NRXN1: variants seen among roughly 807,000 people sequenced by gnomAD.
NRXN1 encodes neurexin-1.
NRXN1 carries 39 observed loss-of-function variants against 150.9 expected under a neutral mutation model. That is an observed-to-expected ratio of 0.26 (90% CI 0.20 to 0.34). The LOEUF is 0.34. Among genes scored for constraint, NRXN1 ranks in the 10% least tolerant of loss-of-function variants. The pLI is 1.00. For synonymous variants in NRXN1, 924 were observed against 757.0 expected (o/e 1.22, Z -3.62); for missense variants, 1,815 against 1,949.9 (o/e 0.93, Z 1.30).
chr2:50,423,010 C>A (rs1163132393), intron 17 of NRXN1, among the ~76,000 whole-genome samples: 1 of 152,168 alleles, frequency 6.6e-6, no homozygotes, highest in Non-Finnish European at 1.5e-5. Context: ...AACCCAAAGC[C>A]TTGAATTCAA....
At chr2:50,101,354 T>G (rs372617787) in intron 18 of NRXN1, among the ~76,000 whole-genome samples, 1 of 152,076 alleles carries the variant, frequency 6.6e-6, no homozygotes, top group South Asian at 2.1e-4. Context: ...ATTCTGCTAA[T>G]TGTTGACATT....
At chr2:50,872,236 G>C (rs908390765) in intron 5 of NRXN1, among the ~76,000 whole-genome samples, 26 of 151,848 alleles carry the variant, frequency 1.7e-4, no homozygotes, top group African/African-American at 6.0e-4. Context: ...CGATTTTGTG[G>C]GAGAGAGAGA....
intron 17 of NRXN1, among the ~76,000 whole-genome samples, chr2:50,414,206 G>A (rs1253159238): frequency 6.6e-6 from 1 of 152,074 alleles, no homozygotes; most frequent in Non-Finnish European, 1.5e-5. Context: ...AGTGTAACTG[G>A]ATTGTTTGTA....
chr2:50,690,837 T>C (rs1691966757), intron 5 of NRXN1, among the ~76,000 whole-genome samples: 1 of 152,126 alleles, frequency 6.6e-6, no homozygotes, highest in Admixed American at 6.6e-5. Context: ...ACACAGATAT[T>C]AAATAAACCA....
intron 21 of NRXN1, among the ~76,000 whole-genome samples, chr2:50,050,531 G>T (rs56135226): frequency 6.6e-6 from 1 of 152,110 alleles, no homozygotes; most frequent in East Asian, 1.9e-4. Context: ...ACACAATTTA[G>T]TAAGACAGTT....
At chr2:50,361,130 T>C (rs1203373314) in intron 17 of NRXN1, among the ~76,000 whole-genome samples, 1 of 152,074 alleles carries the variant, frequency 6.6e-6, no homozygotes, top group East Asian at 1.9e-4. Flanking sequence ...ACAGGGAAAT[T>C]TATAGCACAT....
intron 2 of NRXN1, 69 bp downstream of exon 2, chr2:51,027,433 C>G: frequency 7.0e-7 from 1 of 1,434,746 alleles, no homozygotes; most frequent in Non-Finnish European, 9.1e-7. Context: ...CCCCATGCAC[C>G]AGCCCGGTCC....
At chr2:50,513,950 A>G (rs1262580801) in intron 12 of NRXN1, among the ~76,000 whole-genome samples, 2 of 152,216 alleles carry the variant, frequency 1.3e-5, no homozygotes, top group Non-Finnish European at 2.9e-5. Flanking sequence ...TATATTTTAA[A>G]GAGGTTAACT....
At chr2:50,171,129 G>C (rs987551804) in intron 18 of NRXN1, among the ~76,000 whole-genome samples, 1 of 152,040 alleles carries the variant, frequency 6.6e-6, no homozygotes, top group Non-Finnish European at 1.5e-5. Flanking sequence ...CTGAGGAAGA[G>C]AAGGAAGAGG....
chr2:50,291,462 A>G (rs1387198066), intron 17 of NRXN1, among the ~76,000 whole-genome samples: 1 of 152,124 alleles, frequency 6.6e-6, no homozygotes, highest in Non-Finnish European at 1.5e-5. Flanking sequence ...CAGGCTGAGA[A>G]ATCAAGGTGG....
chr2:50,320,283 C>CATATATATATATATAT (rs61282635), intron 17 of NRXN1, among the ~76,000 whole-genome samples: 3 of 43,056 alleles, frequency 7.0e-5, no homozygotes, highest in African/African-American at 1.2e-4. Flanking sequence ...ATACCTCAAT[C>CATATATATATATATAT]ATATATATAT....
At position 50,369,184 on chromosome 2, in the gene NRXN1, G is replaced by A. The variant is rs574935459; in HGVS notation, c.3364+96258C>T. On this transcript the variant is annotated intron_variant, in intron 17 of 22. Transcript: ENST00000401669. Reference sequence around the variant, plus strand: ...CATTCATATGTCTAGCTCAGAGAAAGAGGTGAGTGGTGAGAAAAATCACAG... The same window carrying A: ...CATTCATATGTCTAGCTCAGAGAAAAAGGTGAGTGGTGAGAAAAATCACAG... Among the ~76,000 whole-genome samples the A allele has an allele frequency of 7.2e-5, 11 of 151,928 alleles. No homozygotes were observed. The South Asian group carries it at 1.2e-3, about 17-fold the overall frequency.
chr2:50,125,292 G>A (rs141080156), intron 18 of NRXN1, among the ~76,000 whole-genome samples: 33 of 152,062 alleles, frequency 2.2e-4, no homozygotes, highest in Non-Finnish European at 2.9e-4. Context: ...GTAAAAATTG[G>A]CACATTTGAA....
chr2:50,071,791 G>T (rs2152668890), intron 19 of NRXN1, among the ~76,000 whole-genome samples: 1 of 152,254 alleles, frequency 6.6e-6, no homozygotes, highest in Admixed American at 6.5e-5. Context: ...ATAGTATTTT[G>T]CTGCCAGTTG....
intron 21 of NRXN1, among the ~76,000 whole-genome samples, chr2:50,017,298 A>C (rs1448555824): frequency 1.3e-5 from 2 of 152,196 alleles, no homozygotes; most frequent in African/African-American, 2.4e-5. Context: ...GTGCAGTAAC[A>C]GCCCCCAAGT....
chr2:50,733,907 T>G (rs1484182332), intron 5 of NRXN1, among the ~76,000 whole-genome samples: 1 of 152,178 alleles, frequency 6.6e-6, no homozygotes, highest in African/African-American at 2.4e-5. Context: ...TTTTTTCACA[T>G]TCGTATATTA....
Position 50,616,716 on chromosome 2 carries a change from G to C in NRXN1, c.1320+3306C>G, listed in dbSNP as rs1301332924. Among the ~76,000 whole-genome samples, 6 of 152,166 alleles carry C rather than the reference G, an allele frequency of 3.9e-5. No individual in the cohort carries two copies. The East Asian group carries it at 1.2e-3, about 29-fold the overall frequency. On this transcript the variant is annotated intron_variant, in intron 8 of 22. Transcript: ENST00000401669. ...AGTTGAACTTAGAAAATGATTTCCAGGATCCTTTCCATTCTAACACTCCAA... is the reference window on the plus strand; with the variant it reads ...AGTTGAACTTAGAAAATGATTTCCACGATCCTTTCCATTCTAACACTCCAA...
intron 18 of NRXN1, among the ~76,000 whole-genome samples, chr2:50,172,449 G>A (rs952895686): frequency 2.6e-5 from 4 of 152,034 alleles, no homozygotes; most frequent in African/African-American, 9.6e-5. Flanking sequence ...TCACTCTATG[G>A]ACAACAGAGA....
Position 51,027,959 on chromosome 2 carries a change from G to T in NRXN1, c.315C>A (p.Ala105=). Reference sequence around the variant, plus strand: ...AGGCGCCGTCGTTAACCGGCGTGTCGGCCAGGAGCGTCGCAGGCTCAGCGC... The same window carrying T: ...AGGCGCCGTCGTTAACCGGCGTGTCTGCCAGGAGCGTCGCAGGCTCAGCGC... The part of the protein sequence containing the change: ...IFCAEPATLL[A]DTPVNDGAWH... Residue 105 remains alanine, a synonymous_variant, in exon 2 of 23, where the codon GCC becomes GCA. Transcript: ENST00000401669. 6.2e-7 allele frequency: 1 copy of T among 1,602,524 alleles called. No homozygotes were observed. The highest frequency in any genetic ancestry group is 8.5e-7 in the Non-Finnish European group (1 of 1,179,492).
Sources: gnomAD v4.1 joint callset for allele counts (sites outside exome capture counted in the v4.1 genomes callset) on GRCh38, gnomAD v4.1.1 for gene constraint, MANE v1.5 for transcripts, NCBI Gene and HGNC (gene_info 2026-07-23, HGNC 2026-07-21) for gene names.